SERPINI1: variants seen among roughly 807,000 people sequenced by gnomAD.
SERPINI1 encodes neuroserpin.
A neutral mutation model predicts 41.1 loss-of-function variants in SERPINI1; 19 were observed. The observed-to-expected ratio is 0.46, with a 90% CI of 0.32 to 0.68. The LOEUF is 0.68. SERPINI1 is among the 30% of genes least tolerant of loss of function. The pLI, the probability that SERPINI1 is intolerant of heterozygous loss-of-function variation, is 0.03. For synonymous variants in SERPINI1, 138 were observed against 156.6 expected, an observed-to-expected ratio of 0.88 and a Z score of 0.89; for missense variants, 460 against 479.2, an observed-to-expected ratio of 0.96 and a Z score of 0.37.
intron 1 of SERPINI1, among the ~76,000 whole-genome samples, chr3:167,771,963 G>A (rs1008809352): frequency 1.3e-5 from 2 of 152,202 alleles, no homozygotes; most frequent in African/African-American, 4.8e-5. Flanking sequence ...CATCCAACAT[G>A]GGCAGCATGG....
At chr3:167,815,533 G>A (rs1431769227) in intron 6 of SERPINI1, among the ~76,000 whole-genome samples, 2 of 152,028 alleles carry the variant, frequency 1.3e-5, no homozygotes, top group Non-Finnish European at 2.9e-5. Context: ...GCTATTACAG[G>A]TGCATGCCAC....
intron 3 of SERPINI1, among the ~76,000 whole-genome samples, 190 bp downstream of exon 3, chr3:167,790,792 A>G (rs1390906869): frequency 6.6e-6 from 1 of 152,204 alleles, no homozygotes; most frequent in Non-Finnish European, 1.5e-5. Flanking sequence ...TTGAGAAAGA[A>G]GTTAAATCTT....
intron 6 of SERPINI1, among the ~76,000 whole-genome samples, chr3:167,818,811 G>A (rs1174402752): frequency 6.6e-6 from 1 of 152,166 alleles, no homozygotes; most frequent in African/African-American, 2.4e-5. Context: ...GATTTTTCTT[G>A]TTTCAAAGTG....
At chr3:167,743,703 A>C (rs1424725370) in intron 1 of SERPINI1, among the ~76,000 whole-genome samples, 1 of 152,132 alleles carries the variant, frequency 6.6e-6, no homozygotes, top group Admixed American at 6.6e-5. Context: ...GTCTGGCATA[A>C]TCTTTTGTCA....
At position 167,809,539 on chromosome 3, in the gene SERPINI1, A is replaced by G. The variant is rs371583255; in HGVS notation, c.979+2198A>G. Reference sequence around the variant, plus strand: ...TAAGGTAATATTTAATTGCCTTTGCAGAGACAGAGACAATAGACCATAAAT... The same window carrying G: ...TAAGGTAATATTTAATTGCCTTTGCGGAGACAGAGACAATAGACCATAAAT... On this transcript the variant is annotated intron_variant, in intron 6 of 8. Coordinates refer to ENST00000446050, the MANE Select transcript of SERPINI1 (RefSeq NM_001122752.2). Among the ~76,000 whole-genome samples the G allele has an allele frequency of 3.3e-5, 5 of 152,210 alleles. No homozygotes were observed. In the South Asian group the frequency reaches 1.0e-3, roughly 32 times the overall value.
intron 1 of SERPINI1, among the ~76,000 whole-genome samples, chr3:167,746,008 A>C (rs1015498327): frequency 6.6e-6 from 1 of 152,150 alleles, no homozygotes. Flanking sequence ...ATGCAGATTT[A>C]ATGAATCAAA....
intron 1 of SERPINI1, among the ~76,000 whole-genome samples, chr3:167,768,080 A>G (rs1215422223): frequency 1.3e-5 from 2 of 152,218 alleles, no homozygotes; most frequent in Non-Finnish European, 2.9e-5. Context: ...ACAACATTGC[A>G]TGATACAGAA....
At chr3:167,773,495 G>A (rs767113736) in intron 1 of SERPINI1, among the ~76,000 whole-genome samples, 2 of 152,100 alleles carry the variant, frequency 1.3e-5, no homozygotes, top group Non-Finnish European at 2.9e-5. Context: ...TCCTAAAGCT[G>A]TTACTATATT....
chr3:167,763,080 C>T (rs920314834), intron 1 of SERPINI1, among the ~76,000 whole-genome samples: 3 of 152,076 alleles, frequency 2.0e-5, no homozygotes, highest in Admixed American at 6.6e-5. Context: ...GGAAAATATA[C>T]CTAAATCATT....
intron 6 of SERPINI1, among the ~76,000 whole-genome samples, chr3:167,813,878 TC>T (rs1353911369): frequency 1.3e-5 from 2 of 152,092 alleles, no homozygotes; most frequent in African/African-American, 4.8e-5. Context: ...CTCTCATACT[TC>T]CTGCCCTCCC....
intron 6 of SERPINI1, among the ~76,000 whole-genome samples, chr3:167,819,934 T>A (rs1366992363): frequency 2.6e-5 from 4 of 152,216 alleles, no homozygotes; most frequent in African/African-American, 9.6e-5. Flanking sequence ...TCGAAAAATG[T>A]ATTTGAGGCA....
At chr3:167,770,000 T>A (rs546673478) in intron 1 of SERPINI1, among the ~76,000 whole-genome samples, 1 of 150,124 alleles carries the variant, frequency 6.7e-6, no homozygotes, top group South Asian at 2.1e-4. Flanking sequence ...TCCTGTGGAT[T>A]ATTTTTATTT....
intron 6 of SERPINI1, among the ~76,000 whole-genome samples, chr3:167,821,648 G>C (rs567835282): frequency 1.3e-5 from 2 of 152,212 alleles, no homozygotes; most frequent in Admixed American, 1.3e-4. Flanking sequence ...GCCAGGCCGA[G>C]TGGGCACAAT....
chr3:167,759,400 GTATATA>G (rs71753556), intron 1 of SERPINI1, among the ~76,000 whole-genome samples: 1,398 of 121,022 alleles, frequency 0.012, 67 homozygotes, highest in African/African-American at 0.035. Context: ...AGAAAATGTG[GTATATA>G]TATATATATA....
At chr3:167,760,063 G>C (rs1287864188) in intron 1 of SERPINI1, among the ~76,000 whole-genome samples, 1 of 152,054 alleles carries the variant, frequency 6.6e-6, no homozygotes, top group Non-Finnish European at 1.5e-5. Flanking sequence ...CAAATATCCT[G>C]TTTCTCATCA....
intron 6 of SERPINI1, among the ~76,000 whole-genome samples, chr3:167,808,802 T>G (rs1185460964): frequency 6.6e-6 from 1 of 152,144 alleles, no homozygotes; most frequent in Non-Finnish European, 1.5e-5. Flanking sequence ...CACATATACA[T>G]GTAGGTGTGT....
chr3:167,823,139 G>A (rs1411541112), intron 7 of SERPINI1, 67 bp downstream of exon 7: 1 of 1,084,834 alleles, frequency 9.2e-7, no homozygotes, highest in East Asian at 2.4e-5. Context: ...TGAGTGGGGA[G>A]TGGGGTCATT....
intron 1 of SERPINI1, among the ~76,000 whole-genome samples, chr3:167,752,848 CCTT>C (rs1464758369): frequency 6.6e-6 from 1 of 152,082 alleles, no homozygotes; most frequent in Non-Finnish European, 1.5e-5. Context: ...CTGCTTCCCT[CCTT>C]AACTCTTATT....
intron 1 of SERPINI1, among the ~76,000 whole-genome samples, chr3:167,782,079 A>G (rs11918705): frequency 0.3 from 46,080 of 152,060 alleles, 7,242 homozygotes; most frequent in African/African-American, 0.34. Flanking sequence ...ACTGTCTATT[A>G]CTATTCTGGT....
Sources: allele counts gnomAD v4.1 joint callset (sites outside exome capture counted in the v4.1 genomes callset), GRCh38; gene constraint gnomAD v4.1.1; transcripts MANE v1.5; gene names NCBI Gene and HGNC (gene_info 2026-07-23, HGNC 2026-07-21).